The following CDHR2 variants were observed in gnomAD, a reference collection of about 807,000 sequenced individuals.
The protein encoded by CDHR2 is cadherin related family member 2.
In CDHR2, 104 loss-of-function variants were observed where a neutral mutation model predicts 138.6. The observed-to-expected ratio is 0.75, with a 90% CI of 0.64 to 0.88. The LOEUF is 0.88. Among genes scored for constraint, CDHR2 ranks in the 40% least tolerant of loss-of-function variants. The pLI is 0.00. For synonymous variants in CDHR2, 755 were observed against 742.8 expected (o/e 1.02, Z -0.27); for missense variants, 1,624 against 1,727.6 (o/e 0.94, Z 1.06).
intron 1 of CDHR2, among the ~76,000 whole-genome samples, chr5:176,557,157 A>AGGACCACG (rs1489783817): frequency 2.0e-5 from 3 of 148,876 alleles, no homozygotes; most frequent in African/African-American, 7.4e-5. Context: ...CTAGGACCAC[A>AGGACCACG]GGCATGCACC....
chr5:176,586,096 C>T (rs2113319957), intron 20 of CDHR2, 71 bp downstream of exon 20: 1 of 1,203,626 alleles, frequency 8.3e-7, no homozygotes, highest in South Asian at 1.2e-5. Flanking sequence ...CCCGACAGAC[C>T]CTCCTTGGAC....
At position 176,543,321 on chromosome 5, in the gene CDHR2, C is replaced by A. The variant is rs957348619; in HGVS notation, c.-16+552C>A. Among the ~76,000 whole-genome samples the A allele has an allele frequency of 2.0e-5, 3 of 147,404 alleles. No homozygotes were observed. Among genetic ancestry groups the A allele is most frequent in the African/African-American group, 7.3e-5 (3 of 40,854 alleles). ...GCCGGCGCGTCGCTCCCGCTGCAGC[C>A]CAGGCTCGCGGTGCGGCTGCGGCCC... On this transcript the variant is annotated intron_variant, in intron 1 of 31. Transcript: ENST00000510636. The surrounding 1 kb of genome is among the most constrained non-coding windows in gnomAD (Gnocchi z 4.0).
In CDHR2 at chr5:176,573,604, G is replaced by A. The variant is rs1758285209; in HGVS notation, c.406-479G>A. ...AGAGGTTACAGTGAGCCGAGATCGT[G>A]CCCCTTCACTCCAGCCTGGGCGAAA... On this transcript the variant is annotated intron_variant, in intron 6 of 31. Coordinates refer to ENST00000261944, the MANE Select transcript of CDHR2 (RefSeq NM_017675.6). Among the ~76,000 whole-genome samples, 2 of 151,818 alleles carry A rather than the reference G, an allele frequency of 1.3e-5. 1 individual carries two copies. The highest frequency in any genetic ancestry group is 6.3e-3 in the Middle Eastern group (2 of 316).
chr5:176,565,448 C>A, intron 2 of CDHR2, 44 bp downstream of exon 2: 3 of 1,575,182 alleles, frequency 1.9e-6, no homozygotes, highest in South Asian at 1.1e-5. Flanking sequence ...AACCTAGAGA[C>A]CCTTGGCAGG....
chr5:176,565,311 G>T, intron 1 of CDHR2, 27 bp from the exon 2 acceptor site: 1 of 1,570,496 alleles, frequency 6.4e-7, no homozygotes, highest in Non-Finnish European at 8.8e-7. Context: ...CTGAGTCCAG[G>T]AGCCATTCCC....
rs146915793 is a variant in CDHR2, at chr5:176,568,703, G to A, written c.150G>A (p.Ala50=). ...PVGAQAFWLV[A]EDQDNDPLTY... ...GTGCCCAGGCCTTCTGGTTGGTAGC[G>A]GAAGACCAGGACAATGACCCTCTGA... The change falls in exon 4 of 32, where the codon GCG becomes GCA. Residue 50 remains alanine (A), a synonymous_variant. Coordinates refer to ENST00000261944, the MANE Select transcript of CDHR2 (RefSeq NM_017675.6). 105 of 1,614,068 alleles carry A rather than the reference G, an allele frequency of 6.5e-5. No homozygotes were observed. The highest frequency in any genetic ancestry group is 3.6e-4 in the African/African-American group (27 of 74,946).
chr5:176,581,097 G>T (rs975831138), intron 16 of CDHR2, among the ~76,000 whole-genome samples: 1 of 152,126 alleles, frequency 6.6e-6, no homozygotes, highest in Non-Finnish European at 1.5e-5. Context: ...GGCTGGGCAC[G>T]TAGGTCCACA....
At chr5:176,574,306 C>T (rs1386498100) in intron 7 of CDHR2, 134 bp downstream of exon 7, 5 of 666,032 alleles carry the variant, frequency 7.5e-6, no homozygotes, top group Non-Finnish European at 1.3e-5. Context: ...CCAAACCGTC[C>T]TCTGGCCACC....
intron 31 of CDHR2, 50 bp from the exon 32 acceptor site, chr5:176,595,482 C>T (rs773544974): frequency 6.6e-7 from 1 of 1,515,598 alleles, no homozygotes; most frequent in Admixed American, 2.0e-5. Context: ...GCCTGGGGCA[C>T]TCGCCCCACC....
chr5:176,561,709 G>C (rs571289176), intron 1 of CDHR2, among the ~76,000 whole-genome samples: 1 of 148,000 alleles, frequency 6.8e-6, no homozygotes, highest in South Asian at 2.1e-4. Context: ...GCATGATCTC[G>C]ACTCATTGCA....
Position 176,591,340 on chromosome 5 carries a change from G to C in CDHR2, c.3653+17G>C. 6.2e-7 allele frequency: 1 copy of C among 1,611,910 alleles called. No individual in the cohort carries two copies. Among genetic ancestry groups the C allele is most frequent in the South Asian group, 1.1e-5 (1 of 91,040 alleles). On this transcript the variant is annotated intron_variant, in intron 29 of 31. Transcript: ENST00000261944. Reference sequence around the variant, plus strand: ...CACTGAGCGGTGAGCAGGGGTCAAAGGGTAGGTAAGAGGCCTGGTGGGGTG... The same window carrying C: ...CACTGAGCGGTGAGCAGGGGTCAAACGGTAGGTAAGAGGCCTGGTGGGGTG...
upstream of CDHR2, among the ~76,000 whole-genome samples, chr5:176,544,420 TC>T (rs1438636398): frequency 1.6e-5 from 2 of 122,918 alleles, no homozygotes; most frequent in South Asian, 5.3e-4. Flanking sequence ...TTTCTTCTTT[TC>T]CTTTATTTTC....
Position 176,591,300 on chromosome 5 carries a change from G to A in CDHR2, c.3630G>A (p.Gly1210=). 1.9e-6 allele frequency: 3 copies of A among 1,614,002 alleles called. No individual in the cohort carries two copies. The highest frequency in any genetic ancestry group is 1.3e-5 in the African/African-American group (1 of 75,070). The change falls in exon 29 of 32, where the codon GGG becomes GGA. Residue 1210 remains glycine, a synonymous_variant. Transcript: ENST00000261944. ...GVMPSAPAIP[G]TNMYNTERAN... ...TGCCCTCAGCCCCTGCCATCCCAGG[G>A]ACTAACATGTACAACACTGAGCGGT...
chr5:176,571,390 A>T, intron 6 of CDHR2, 88 bp downstream of exon 6: 1 of 945,314 alleles, frequency 1.1e-6, no homozygotes, highest in Non-Finnish European at 1.5e-6. Flanking sequence ...TCAGTGGGGC[A>T]TTCAGAGTTG....
At position 176,586,813 on chromosome 5, in the gene CDHR2, C is replaced by T. The variant is rs1364690027; in HGVS notation, c.2827C>T (p.Leu943=). 1.9e-6 allele frequency: 3 copies of T among 1,609,852 alleles called. No homozygotes were observed. Among genetic ancestry groups the T allele is most frequent in the Non-Finnish European group, 2.5e-6 (3 of 1,178,084 alleles). The stretch of plus-strand genomic sequence containing the variant: ...TGCAGTGATCATCCCTGAACTCGTG[C>T]TGCCCAACCGGGAGGTGGCTTCTGT... ...KTFVIIPELV[L]PNREVASVRA... The change falls in exon 21 of 32, where the codon CTG becomes TTG. Residue 943 remains leucine, a synonymous_variant. Transcript: ENST00000261944.
chr5:176,560,212 C>A (rs1421466709), intron 1 of CDHR2, among the ~76,000 whole-genome samples: 4 of 152,120 alleles, frequency 2.6e-5, no homozygotes, highest in African/African-American at 9.7e-5. Context: ...GCCTGGCCAA[C>A]ATGGTGAAAC....
intron 1 of CDHR2, among the ~76,000 whole-genome samples, chr5:176,564,219 T>C (rs1758031289): frequency 6.6e-6 from 1 of 152,110 alleles, no homozygotes. Flanking sequence ...GGAGTCTCAC[T>C]CTGTCTCCCA....
chr5:176,590,825 C>A, intron 28 of CDHR2, 138 bp downstream of exon 28: 1 of 1,159,132 alleles, frequency 8.6e-7, no homozygotes, highest in Non-Finnish European at 1.2e-6. Flanking sequence ...AGTGCGAGAT[C>A]TTGGGTGAGT....
Position 176,577,624 on chromosome 5 carries a change from C to G in CDHR2, c.1351-13C>G, listed in dbSNP as rs760341480. 1.2e-6 allele frequency: 2 copies of G among 1,614,140 alleles called. No individual in the cohort carries two copies. Among genetic ancestry groups the G allele is most frequent in the South Asian group, 2.2e-5 (2 of 91,082 alleles). On this transcript the variant is annotated splice_polypyrimidine_tract_variant and intron_variant, in intron 13 of 31. Transcript: ENST00000261944. ...TTGGGCCCCACAGCTGCTGCCTCCT[C>G]CCCTGCCCCCAGGTTGTGGCCACAG...
Sources: gnomAD v4.1 joint callset for allele counts (sites outside exome capture counted in the v4.1 genomes callset) on GRCh38, gnomAD v4.1.1 for gene constraint, Gnocchi (gnomAD v3.1) non-coding constraint, MANE v1.5 for transcripts, NCBI Gene and HGNC (gene_info 2026-07-23, HGNC 2026-07-21) for gene names.